The following CCDC47 variants were observed in gnomAD, a reference collection of about 807,000 sequenced individuals.
The protein encoded by CCDC47 is PAT complex subunit CCDC47.
Under a neutral mutation model 60.5 loss-of-function variants are expected in CCDC47, and 41 were observed. The observed-to-expected ratio is 0.68, with a 90% CI of 0.53 to 0.88. The LOEUF (loss-of-function observed/expected upper bound fraction) is 0.88, where lower values mean the gene tolerates loss of function less well. Ranked by LOEUF, CCDC47 falls within the 40% of genes least tolerant of loss-of-function variation. CCDC47 has a pLI of 0.00. For synonymous variants in CCDC47, 195 were observed against 190.7 expected (o/e 1.02, Z -0.18); for missense variants, 513 against 580.9 (o/e 0.88, Z 1.20).
chr17:63,762,266 A>G lies in CCDC47; in HGVS notation c.548-915T>C, dbSNP rs1356228034. The stretch of plus-strand genomic sequence containing the variant: ...CACCAAATGAAAACAAGCAAGGGGA[A>G]GTAGAAGGAGCCAAAGCTGCTCATT... On this transcript the variant is annotated intron_variant, in intron 4 of 12. Coordinates refer to ENST00000225726, the MANE Select transcript of CCDC47 (RefSeq NM_020198.3). The G allele has an allele frequency of 8.1e-6, 8 of 985,076 alleles. No individual in the cohort carries two copies. The East Asian group carries it at 9.1e-4, about 112-fold the overall frequency. 61.0% of individuals were successfully genotyped at this position (985,076 alleles called of 1,614,324 possible).
chr17:63,750,477 A>T (rs2039154451), intron 12 of CCDC47, among the ~76,000 whole-genome samples: 1 of 152,292 alleles, frequency 6.6e-6, no homozygotes, highest in East Asian at 1.9e-4. Context: ...GCAGGCCCGC[A>T]CAGCAGCTCA....
intron 9 of CCDC47, among the ~76,000 whole-genome samples, chr17:63,753,906 G>A (rs956148042): frequency 8.5e-5 from 13 of 152,120 alleles, no homozygotes; most frequent in African/African-American, 3.1e-4. Flanking sequence ...AGGAGTTCGA[G>A]ACCAGCCTGA....
At position 63,751,936 on chromosome 17, in the gene CCDC47, T is replaced by C. The variant is rs773571408; in HGVS notation, c.1371+4A>G. The C allele has an allele frequency of 1.2e-6, 2 of 1,613,796 alleles. No individual in the cohort carries two copies. Among genetic ancestry groups the C allele is most frequent in the Non-Finnish European group, 1.7e-6 (2 of 1,180,014 alleles). On this transcript the variant is annotated splice_donor_region_variant and intron_variant, in intron 12 of 12. Transcript: ENST00000225726. ...GTTTTACCCCAGTGATAAGTTTGTC[T>C]AACCTCCAGCCTGCGCTGTTTCTCA...
At chr17:63,753,632 C>T (rs1329018799) in intron 9 of CCDC47, 10 of 982,768 alleles carry the variant, frequency 1.0e-5, no homozygotes, top group Non-Finnish European at 1.1e-5. Flanking sequence ...AATATGTACT[C>T]CTGAACAGTA....
intron 1 of CCDC47, among the ~76,000 whole-genome samples, chr17:63,771,284 TATATAC>T (rs976611943): frequency 3.9e-5 from 6 of 152,224 alleles, no homozygotes; most frequent in East Asian, 3.9e-4. Context: ...TTATATAGTG[TATATAC>T]ATATACATAT....
At chr17:63,768,663 C>T (rs2039313923) in intron 1 of CCDC47, among the ~76,000 whole-genome samples, 1 of 152,128 alleles carries the variant, frequency 6.6e-6, no homozygotes, top group South Asian at 2.1e-4. Flanking sequence ...TAATGCATTC[C>T]AGCCTGGGTG....
rs949828575 is a variant in CCDC47 at position 63,761,524 on chromosome 17, A to AAG, written c.548-174_548-173insCT. The AAG allele has an allele frequency of 2.4e-5, 11 of 453,862 alleles. No individual in the cohort carries two copies. In the East Asian group the frequency reaches 4.2e-4, roughly 18 times the overall value. The allele number at this position is 453,862 out of a possible 1,614,324, so 28.1% of individuals were successfully genotyped here. A position where few individuals can be genotyped will look rare whatever the true frequency, so the allele number is the denominator to read the frequency against. ...GTGAAACCCTGTCCCTACTAAAAAA[A>AAG]AAAAAAAAAAAAATTATAAAAAATT... On this transcript the variant is annotated intron_variant, in intron 4 of 12. Coordinates refer to ENST00000225726, the MANE Select transcript of CCDC47 (RefSeq NM_020198.3).
chr17:63,754,629 C>T (rs577697933), intron 8 of CCDC47, 111 bp from the exon 9 acceptor site: 21 of 630,982 alleles, frequency 3.3e-5, no homozygotes, highest in African/African-American at 1.1e-4. Flanking sequence ...CAGTAATCCC[C>T]GCACTTTGGG....
chr17:63,759,534 T>A (rs868010728), intron 6 of CCDC47, among the ~76,000 whole-genome samples: 213 of 7,028 alleles, frequency 0.03, 57 homozygotes, highest in African/African-American at 0.18. Flanking sequence ...TATTTATATA[T>A]ATATATATAT....
chr17:63,769,251 G>C (rs372623756), intron 1 of CCDC47, among the ~76,000 whole-genome samples: 2 of 137,120 alleles, frequency 1.5e-5, no homozygotes, highest in East Asian at 4.4e-4. Flanking sequence ...CTGTCTAAAA[G>C]AAAAAAAAAA....
At chr17:63,759,497 A>AG (rs2039233088) in intron 6 of CCDC47, among the ~76,000 whole-genome samples, 1 of 26,632 alleles carries the variant, frequency 3.8e-5, no homozygotes, top group Non-Finnish European at 5.6e-5. Flanking sequence ...TCCCAAAAAA[A>AG]AAAAAAAAAA....
chr17:63,761,847 A>T (rs541171053), intron 4 of CCDC47: 1 of 968,260 alleles, frequency 1.0e-6, no homozygotes, highest in African/African-American at 1.8e-5. Flanking sequence ...TTTTACTTTT[A>T]AAACTATTGT....
chr17:63,771,269 G>A (rs1192344965), intron 1 of CCDC47, among the ~76,000 whole-genome samples: 2 of 151,954 alleles, frequency 1.3e-5, no homozygotes, highest in African/African-American at 4.8e-5. Flanking sequence ...GTAATCTAGA[G>A]ATAATTATAT....
intron 4 of CCDC47, chr17:63,762,013 A>G: frequency 1.1e-6 from 1 of 897,288 alleles, no homozygotes; most frequent in Non-Finnish European, 1.3e-6. Flanking sequence ...TGAATAAAAA[A>G]TACCATTAAT....
At chr17:63,754,807 C>T (rs1253791277) in intron 8 of CCDC47, among the ~76,000 whole-genome samples, 6 of 150,310 alleles carry the variant, frequency 4.0e-5, no homozygotes, top group African/African-American at 1.5e-4. Context: ...CGTTTGAACC[C>T]GGGAGGTGGA....
At chr17:63,747,734 G>C in intron 12 of CCDC47, 1 of 985,186 alleles carries the variant, frequency 1.0e-6, no homozygotes, top group African/African-American at 1.7e-5. Context: ...GTACAGGATG[G>C]AGAAAATAGG....
At chr17:63,747,114 T>A (rs1185280114) in intron 12 of CCDC47, 153 bp from the exon 13 acceptor site, 1 of 979,204 alleles carries the variant, frequency 1.0e-6, no homozygotes, top group Non-Finnish European at 1.2e-6. Context: ...TTCTAGAAGA[T>A]AGTTATAAAA....
At chr17:63,751,852 G>T in intron 12 of CCDC47, 88 bp downstream of exon 12, 1 of 1,406,632 alleles carries the variant, frequency 7.1e-7, no homozygotes, top group Non-Finnish European at 1.0e-6. Flanking sequence ...TAAACTTTTA[G>T]CCTACAAAGA....
chr17:63,761,851 C>T (rs1158262987), intron 4 of CCDC47: 6 of 964,502 alleles, frequency 6.2e-6, no homozygotes, highest in Admixed American at 6.2e-5. Context: ...ACTTTTAAAA[C>T]TATTGTCTGT....
Sources: gnomAD v4.1 joint callset for allele counts (sites outside exome capture counted in the v4.1 genomes callset) on GRCh38, gnomAD v4.1.1 for gene constraint, MANE v1.5 for transcripts, NCBI Gene and HGNC (gene_info 2026-07-23, HGNC 2026-07-21) for gene names.